TMTC3: variants seen among roughly 807,000 people sequenced by gnomAD.
TMTC3 encodes transmembrane O-mannosyltransferase targeting cadherins 3.
A neutral mutation model predicts 92.2 loss-of-function variants in TMTC3; 52 were observed. The ratio of observed to expected loss-of-function variants is 0.56; its 90% CI spans 0.45 to 0.71. TMTC3 has a LOEUF of 0.71. Among genes scored for constraint, TMTC3 ranks in the 30% least tolerant of loss-of-function variants. The pLI is 0.00. For synonymous variants in TMTC3, 339 were observed against 363.3 expected (o/e 0.93, Z 0.76); for missense variants, 896 against 1,057.1 (o/e 0.85, Z 2.11).
At chr12:88,170,131 T>C (rs994465749) in intron 7 of TMTC3, among the ~76,000 whole-genome samples, 1 of 152,156 alleles carries the variant, frequency 6.6e-6, no homozygotes, top group African/African-American at 2.4e-5. Flanking sequence ...GTTAACTAGG[T>C]TGGCATACAT....
chr12:88,198,222 G>A lies in TMTC3; in HGVS notation c.*2573G>A, dbSNP rs2041538124. 2.5e-6 allele frequency: 1 copy of A among 395,398 alleles called. No homozygotes were observed. Among genetic ancestry groups the A allele is most frequent in the East Asian group, 3.6e-5 (1 of 28,006 alleles). The allele number at this position is 395,398 out of a possible 1,614,324, so 24.5% of individuals were successfully genotyped here. On this transcript the variant is annotated 3_prime_UTR_variant, in exon 14 of 14. Coordinates refer to ENST00000266712, the MANE Select transcript of TMTC3 (RefSeq NM_181783.4). Reference sequence around the variant, plus strand: ...AATGGATTTTTTTTTTTTTCCTCTGGAGCTGCCTGTTCAGTGAGATGGAGG... The same window carrying A: ...AATGGATTTTTTTTTTTTTCCTCTGAAGCTGCCTGTTCAGTGAGATGGAGG...
rs534050064 is a variant in TMTC3, at chr12:88,154,158, C to T, written c.409-130C>T. 13 of 634,114 alleles carry T rather than the reference C, an allele frequency of 2.1e-5. No homozygotes were observed. In the African/African-American group the frequency reaches 2.1e-4, roughly 10 times the overall value. 39.3% of individuals were successfully genotyped at this position (634,114 alleles called of 1,614,324 possible). ...TTCACAAATTCACCACCTGAGGGCACCCAAAGAATGTTTAAGAAACAAATG... is the reference window on the plus strand; with the variant it reads ...TTCACAAATTCACCACCTGAGGGCATCCAAAGAATGTTTAAGAAACAAATG... On this transcript the variant is annotated intron_variant, in intron 3 of 13. Transcript: ENST00000266712.
At chr12:88,187,585 T>C (rs1400504036) in intron 10 of TMTC3, among the ~76,000 whole-genome samples, 1 of 152,214 alleles carries the variant, frequency 6.6e-6, no homozygotes, top group African/African-American at 2.4e-5. Flanking sequence ...AAAAATCTAC[T>C]TCCTTACTCC....
chr12:88,182,957 G>T (rs1234405765), intron 10 of TMTC3, among the ~76,000 whole-genome samples: 1 of 152,162 alleles, frequency 6.6e-6, no homozygotes, highest in Non-Finnish European at 1.5e-5. Flanking sequence ...ATCGCCACGG[G>T]GGAAGGGAGA....
chr12:88,147,605 A>G (rs1479278874), intron 1 of TMTC3, among the ~76,000 whole-genome samples: 1 of 152,032 alleles, frequency 6.6e-6, no homozygotes, highest in African/African-American at 2.4e-5. Flanking sequence ...GAGACCTTTA[A>G]TGACTTAGGT....
intron 1 of TMTC3, among the ~76,000 whole-genome samples, chr12:88,144,020 A>G (rs1382247924): frequency 6.6e-6 from 1 of 152,204 alleles, no homozygotes; most frequent in Admixed American, 6.5e-5. Context: ...TAGGATGCTA[A>G]TGCATTATAA....
chr12:88,188,386 G>A (rs1329560054), intron 10 of TMTC3, among the ~76,000 whole-genome samples: 1 of 151,884 alleles, frequency 6.6e-6, no homozygotes, highest in Non-Finnish European at 1.5e-5. Flanking sequence ...ATGGAAGCAA[G>A]CTTTAGTGTA....
intron 10 of TMTC3, among the ~76,000 whole-genome samples, chr12:88,185,534 G>A (rs76016757): frequency 0.021 from 3,150 of 152,108 alleles, 97 homozygotes; most frequent in African/African-American, 0.069. Flanking sequence ...TACAAACATG[G>A]CTGTTACGAA....
chr12:88,179,526 G>T (rs1022597337), intron 10 of TMTC3, among the ~76,000 whole-genome samples: 5 of 152,082 alleles, frequency 3.3e-5, no homozygotes, highest in Non-Finnish European at 7.4e-5. Context: ...AATATGAGCT[G>T]GTAAGTATTA....
intron 2 of TMTC3, among the ~76,000 whole-genome samples, chr12:88,150,760 G>C (rs2040933171): frequency 6.6e-6 from 1 of 152,026 alleles, no homozygotes; most frequent in African/African-American, 2.4e-5. Context: ...TCTAATCATT[G>C]ATATCATCAA....
At position 88,163,727 on chromosome 12, in the gene TMTC3, G is replaced by A. The variant is rs138482205; in HGVS notation, c.798-2603G>A. Among the ~76,000 whole-genome samples, 77 of 152,194 alleles carry A rather than the reference G, an allele frequency of 5.1e-4. 1 individual carries two copies. The highest frequency in any genetic ancestry group is 2.9e-4 in the Non-Finnish European group (20 of 68,014). ...TTCTCTTTTTATGAGGACCCCAGTCGTTGGATTTAGGGCCCACCCTAACCC... is the reference window on the plus strand; with the variant it reads ...TTCTCTTTTTATGAGGACCCCAGTCATTGGATTTAGGGCCCACCCTAACCC... On this transcript the variant is annotated intron_variant, in intron 6 of 13. Coordinates refer to ENST00000266712, the MANE Select transcript of TMTC3 (RefSeq NM_181783.4).
chr12:88,195,640 T>C lies in TMTC3; in HGVS notation c.2736T>C (p.Asn912=). 1 of 1,586,196 alleles carries C rather than the reference T, an allele frequency of 6.3e-7. No homozygotes were observed. Among genetic ancestry groups the C allele is most frequent in the Non-Finnish European group, 8.5e-7 (1 of 1,169,750 alleles). Residue 912 remains asparagine, a synonymous_variant, in exon 14 of 14, where the codon AAT becomes AAC. Transcript: ENST00000266712. ...TAGAAGAGATTGAACGTATTTTAAA[T>C]GGTGAATAACATTAATATTTATCGT... ...KRLEEIERIL[N]GE is the part of the protein sequence containing the mutation.
At chr12:88,163,103 A>T (rs1375821875) in intron 6 of TMTC3, among the ~76,000 whole-genome samples, 1 of 151,780 alleles carries the variant, frequency 6.6e-6, no homozygotes, top group Non-Finnish European at 1.5e-5. Context: ...TTTAGTAGAG[A>T]TAGGGTTTCT....
intron 2 of TMTC3, among the ~76,000 whole-genome samples, chr12:88,150,101 G>A (rs1388173301): frequency 6.6e-6 from 1 of 152,182 alleles, no homozygotes; most frequent in East Asian, 1.9e-4. Context: ...TATAAGAAAA[G>A]AGGTTTTATT....
intron 4 of TMTC3, among the ~76,000 whole-genome samples, chr12:88,154,779 C>T (rs1010525751): frequency 6.6e-6 from 1 of 152,106 alleles, no homozygotes; most frequent in Non-Finnish European, 1.5e-5. Context: ...TTAAAAGCCT[C>T]CTAGAATATA....
At chr12:88,164,123 G>C (rs891305828) in intron 6 of TMTC3, among the ~76,000 whole-genome samples, 1 of 149,232 alleles carries the variant, frequency 6.7e-6, no homozygotes, top group South Asian at 2.1e-4. Flanking sequence ...CTGGGAGGCA[G>C]AGGTTGCAGT....
At chr12:88,176,607 CA>C (rs1343934158) in intron 10 of TMTC3, among the ~76,000 whole-genome samples, 4 of 151,876 alleles carry the variant, frequency 2.6e-5, no homozygotes, top group Non-Finnish European at 2.9e-5. Flanking sequence ...CCTGTCTTTA[CA>C]AAATAAAAAT....
At chr12:88,180,747 C>G (rs2041308928) in intron 10 of TMTC3, among the ~76,000 whole-genome samples, 1 of 152,046 alleles carries the variant, frequency 6.6e-6, no homozygotes, top group South Asian at 2.1e-4. Context: ...TGCTGGAATC[C>G]ATAGAGGACT....
In TMTC3 at chr12:88,195,472, A is replaced by G; in HGVS notation, c.2568A>G (p.Thr856=). Residue 856 remains threonine (T), a synonymous_variant, in exon 14 of 14, where the codon ACA becomes ACG. Transcript: ENST00000266712. ...AAATTAGAGGTGAATCCAGACAAAC[A>G]CAAATAGTAAAAACAAGTGATAATA... The part of the protein sequence containing the change: ...VKEIRGESRQ[T]QIVKTSDNKS... The G allele has an allele frequency of 6.2e-7, 1 of 1,612,942 alleles. No individual in the cohort carries two copies. The highest frequency in any genetic ancestry group is 2.2e-5 in the East Asian group (1 of 44,810).
Sources: allele counts gnomAD v4.1 joint callset (sites outside exome capture counted in the v4.1 genomes callset), GRCh38; gene constraint gnomAD v4.1.1; transcripts MANE v1.5; gene names NCBI Gene and HGNC (gene_info 2026-07-23, HGNC 2026-07-21).